The following MTG1 variants were observed in gnomAD, a reference collection of about 807,000 sequenced individuals.
The protein encoded by MTG1 is mitochondrial ribosome associated GTPase 1.
MTG1 carries 30 observed loss-of-function variants against 39.5 expected under a neutral mutation model. The ratio of observed to expected loss-of-function variants is 0.76; its 90% CI spans 0.57 to 1.03. The LOEUF (loss-of-function observed/expected upper bound fraction) is 1.03. Ranked by LOEUF, MTG1 falls within the 50% of genes least tolerant of loss-of-function variation. The pLI is 0.00. For synonymous variants in MTG1, 217 were observed against 179.0 expected (o/e 1.21, Z -1.69); for missense variants, 513 against 447.4 (o/e 1.15, Z -1.32).
intron 5 of MTG1, 112 bp downstream of exon 5, chr10:133,399,338 TC>T: frequency 7.5e-7 from 1 of 1,325,678 alleles, no homozygotes; most frequent in Non-Finnish European, 1.1e-6. Context: ...GGGAGGCCCC[TC>T]CTTTGTCCTC....
chr10:133,414,245 TCAA>T (rs1446616464), intron 9 of MTG1, among the ~76,000 whole-genome samples: 22 of 150,810 alleles, frequency 1.5e-4, no homozygotes, highest in Admixed American at 1.4e-3. Flanking sequence ...AGGTCACAGA[TCAA>T]CAGGATCCCA....
intron 9 of MTG1, among the ~76,000 whole-genome samples, chr10:133,409,766 G>A (rs533976075): frequency 3.4e-4 from 51 of 152,192 alleles, no homozygotes; most frequent in Admixed American, 3.3e-4. Flanking sequence ...TTTATCAATC[G>A]TATAGTGACT....
intron 5 of MTG1, 35 bp from the exon 6 acceptor site, chr10:133,399,494 G>C (rs375373912): frequency 1.2e-6 from 2 of 1,601,174 alleles, no homozygotes; most frequent in Non-Finnish European, 1.7e-6. Context: ...TAGCGGCCAC[G>C]GTGGGCCCTG....
At position 133,394,339 on chromosome 10, in the gene MTG1, C is replaced by T; in HGVS notation, c.112+7C>T. On this transcript the variant is annotated splice_region_variant and intron_variant, in intron 1 of 10. Coordinates refer to ENST00000317502, the MANE Select transcript of MTG1 (RefSeq NM_138384.4). ...CCGGGCCACATGGCCAAGGGTGAGG[C>T]ACGGCGGGGAGGGGCAAGGTCATGC... The T allele has an allele frequency of 1.3e-6, 2 of 1,492,830 alleles. No homozygotes were observed. Among genetic ancestry groups the T allele is most frequent in the Non-Finnish European group, 1.8e-6 (2 of 1,125,414 alleles). The allele number at this position is 1,492,830 out of a possible 1,614,324, so 92.5% of individuals were successfully genotyped here. A position where few individuals can be genotyped will look rare whatever the true frequency, so the allele number is the denominator to read the frequency against.
In MTG1 at chr10:133,398,458, A is replaced by G; in HGVS notation, c.306A>G (p.Gly102=). The G allele has an allele frequency of 6.2e-7, 1 of 1,613,192 alleles. No individual in the cohort carries two copies. The highest frequency in any genetic ancestry group is 8.5e-7 in the Non-Finnish European group (1 of 1,179,822). ...EQQKIMQHLE[G]EGLKNVIFTN... Reference sequence around the variant, plus strand: ...AGAAAATTATGCAACACTTAGAAGGAGAAGGCCTAAAAAATGTCATTTTTA... The same window carrying G: ...AGAAAATTATGCAACACTTAGAAGGGGAAGGCCTAAAAAATGTCATTTTTA... Residue 102 remains glycine, a synonymous_variant, in exon 4 of 11, where the codon GGA becomes GGG. Transcript: ENST00000317502.
chr10:133,405,896 T>G (rs56232738), intron 9 of MTG1, among the ~76,000 whole-genome samples: 3,918 of 152,336 alleles, frequency 0.026, 112 homozygotes, highest in African/African-American at 0.07. Context: ...TTGTAGTGTT[T>G]TGAAGAACCT....
At chr10:133,413,421 T>TTG (rs1171057291) in intron 9 of MTG1, among the ~76,000 whole-genome samples, 2 of 152,000 alleles carry the variant, frequency 1.3e-5, no homozygotes, top group Non-Finnish European at 2.9e-5. Flanking sequence ...GCTAATTTTT[T>TTG]TGTGTGTTTT....
intron 4 of MTG1, 96 bp from the exon 5 acceptor site, chr10:133,399,074 C>G: frequency 7.4e-7 from 1 of 1,343,598 alleles, no homozygotes; most frequent in Admixed American, 1.7e-5. Context: ...AGTGGAGACA[C>G]TGGAATCCCT....
intron 3 of MTG1, 105 bp downstream of exon 3, chr10:133,396,372 G>A (rs1378906842): frequency 5.0e-6 from 5 of 996,222 alleles, no homozygotes; most frequent in Non-Finnish European, 6.2e-6. Flanking sequence ...AGTTTGCCCA[G>A]GCAGGCTCTG....
chr10:133,402,579 C>A lies in MTG1; in HGVS notation c.671-113C>A, dbSNP rs932523418. The A allele has an allele frequency of 4.0e-6, 4 of 990,786 alleles. No homozygotes were observed. Among genetic ancestry groups the A allele is most frequent in the Non-Finnish European group, 3.0e-6 (2 of 663,218 alleles). 61.4% of individuals were successfully genotyped at this position (990,786 alleles called of 1,614,324 possible). ...GTTAGTGTCTTTGTCAGTGGCTGGC[C>A]TCTTCCTCACGGCACGGTGTCTTTG... On this transcript the variant is annotated intron_variant, in intron 8 of 10. Coordinates refer to ENST00000317502, the MANE Select transcript of MTG1 (RefSeq NM_138384.4). The surrounding 1 kb of genome is among the most constrained non-coding windows in gnomAD (Gnocchi z 4.7).
chr10:133,407,242 T>C (rs573982362), intron 9 of MTG1, among the ~76,000 whole-genome samples: 19 of 152,364 alleles, frequency 1.2e-4, no homozygotes, highest in African/African-American at 4.3e-4. Context: ...CTAGCTTTGT[T>C]CTTTTTGCTT....
At chr10:133,399,802 G>A (rs2133495621) in intron 6 of MTG1, 183 bp downstream of exon 6, 1 of 525,888 alleles carries the variant, frequency 1.9e-6, no homozygotes, top group South Asian at 3.1e-5. Context: ...TGAACAGTGG[G>A]ACCAGGTCGT....
At position 133,419,552 on chromosome 10, in the gene MTG1, G is replaced by C; in HGVS notation, c.825G>C (p.Lys275Asn). 2 of 1,610,394 alleles carry C rather than the reference G, an allele frequency of 1.2e-6. No individual in the cohort carries two copies. Among genetic ancestry groups the C allele is most frequent in the Non-Finnish European group, 1.7e-6 (2 of 1,178,666 alleles). The part of the protein sequence containing the change: ...VERVLKSVAV[K>N]LGKTQKVKVL... ...GCGTGCTGAAGAGTGTGGCTGTGAA[G>C]CTGGGGAAGACGCAGAAGGTGAAGG... is the stretch of plus-strand genomic sequence containing the variant. The change falls in exon 10 of 11, where the codon AAG (lysine) becomes AAC (asparagine). Residue 275 changes from lysine to asparagine, a missense_variant. Physicochemically the swap from Lys to Asn is moderately conservative, Grantham distance 94. Transcript: ENST00000317502.
intron 9 of MTG1, among the ~76,000 whole-genome samples, chr10:133,412,323 T>C (rs1850059200): frequency 6.6e-6 from 1 of 152,256 alleles, no homozygotes; most frequent in Non-Finnish European, 1.5e-5. Context: ...ATTGTTTTTA[T>C]GTTCACTTTT....
At chr10:133,404,717 A>G (rs1479550329) in intron 9 of MTG1, among the ~76,000 whole-genome samples, 1 of 152,158 alleles carries the variant, frequency 6.6e-6, no homozygotes, top group East Asian at 1.9e-4. Flanking sequence ...TTTTTGGTAT[A>G]TGGTACAAGC....
chr10:133,410,069 A>G (rs531727086), intron 9 of MTG1, among the ~76,000 whole-genome samples: 2 of 152,092 alleles, frequency 1.3e-5, no homozygotes, highest in African/African-American at 2.4e-5. Flanking sequence ...TTTTTGAGAC[A>G]GGGTCTCACT....
rs1453113615 is a variant in MTG1 at position 133,402,641 on chromosome 10, G to C, written c.671-51G>C. ...GAAGGGATGTGTTTGAACTTGGCAGGAACATAGATGTGGCTGTTTCCAGTG... is the reference window on the plus strand; with the variant it reads ...GAAGGGATGTGTTTGAACTTGGCAGCAACATAGATGTGGCTGTTTCCAGTG... On this transcript the variant is annotated intron_variant, in intron 8 of 10. Transcript: ENST00000317502. This position sits in a 1 kb window ranked among gnomAD's most constrained non-coding sequence, Gnocchi z 4.7. The C allele has an allele frequency of 1.3e-6, 2 of 1,506,588 alleles. No homozygotes were observed. The highest frequency in any genetic ancestry group is 2.4e-5 in the East Asian group (1 of 42,138). The allele number at this position is 1,506,588 out of a possible 1,614,324, so 93.3% of individuals were successfully genotyped here.
At chr10:133,394,966 T>A (rs1349641587) in intron 1 of MTG1, among the ~76,000 whole-genome samples, 2 of 152,074 alleles carry the variant, frequency 1.3e-5, no homozygotes, top group Non-Finnish European at 2.9e-5. Flanking sequence ...CGGATAACAC[T>A]GGAGGGGAAG....
intron 3 of MTG1, among the ~76,000 whole-genome samples, chr10:133,397,132 C>T (rs1317611328): frequency 6.6e-6 from 1 of 152,224 alleles, no homozygotes; most frequent in Middle Eastern, 3.2e-3. Flanking sequence ...CTTGATGTTC[C>T]ATCTTGTACA....
Sources: allele counts gnomAD v4.1 joint callset (sites outside exome capture counted in the v4.1 genomes callset), GRCh38; gene constraint gnomAD v4.1.1; non-coding constraint Gnocchi (gnomAD v3.1); transcripts MANE v1.5; gene names NCBI Gene and HGNC (gene_info 2026-07-23, HGNC 2026-07-21).